Variants in AKT3 observed in about 807,000 individuals in gnomAD.
AKT3 encodes AKT serine/threonine kinase 3.
Under a neutral mutation model 65.3 loss-of-function variants are expected in AKT3, and 15 were observed. The observed-to-expected ratio is 0.23, with a 90% CI of 0.15 to 0.35. The LOEUF is 0.35. Ranked by LOEUF, AKT3 falls within the 10% of genes least tolerant of loss-of-function variation. The pLI, the probability that AKT3 is intolerant of heterozygous loss-of-function variation, is 1.00. For missense variants in AKT3, 243 were observed against 576.5 expected, an observed-to-expected ratio of 0.42 and a Z score of 5.92; for synonymous variants, 206 against 183.8, an observed-to-expected ratio of 1.12 and a Z score of -0.98.
At chr1:243,677,948 C>T (rs1228635984) in intron 3 of AKT3, among the ~76,000 whole-genome samples, 2 of 151,846 alleles carry the variant, frequency 1.3e-5, no homozygotes, top group African/African-American at 2.4e-5. Flanking sequence ...ATTAGCTGGG[C>T]GTGGTGGCGG....
At chr1:243,732,564 T>C (rs1687626669) in intron 2 of AKT3, among the ~76,000 whole-genome samples, 1 of 152,180 alleles carries the variant, frequency 6.6e-6, no homozygotes, top group African/African-American at 2.4e-5. Context: ...GGAAAAGAGT[T>C]TGTGTACTGA....
intron 2 of AKT3, among the ~76,000 whole-genome samples, chr1:243,800,688 A>C (rs1572371783): frequency 6.6e-6 from 1 of 152,074 alleles, no homozygotes; most frequent in Non-Finnish European, 1.5e-5. Context: ...ATTGCACTCC[A>C]GCCCAGCGAC....
chr1:243,738,547 A>C (rs1687969040), intron 2 of AKT3, among the ~76,000 whole-genome samples: 2 of 152,226 alleles, frequency 1.3e-5, no homozygotes, highest in African/African-American at 2.4e-5. Flanking sequence ...GCTTCATCTT[A>C]AAGAAAATGT....
chr1:243,784,681 G>A (rs1234696473), intron 2 of AKT3, among the ~76,000 whole-genome samples: 3 of 152,084 alleles, frequency 2.0e-5, no homozygotes, highest in Non-Finnish European at 2.9e-5. Flanking sequence ...TCTCCCTCAC[G>A]CTGGACACTG....
At chr1:243,746,590 A>G (rs1688482797) in intron 2 of AKT3, among the ~76,000 whole-genome samples, 1 of 152,212 alleles carries the variant, frequency 6.6e-6, no homozygotes, top group African/African-American at 2.4e-5. Context: ...CCAAGTTTGA[A>G]CTAAGTCACA....
At chr1:243,674,432 G>A (rs1490164185) in intron 3 of AKT3, among the ~76,000 whole-genome samples, 4 of 152,156 alleles carry the variant, frequency 2.6e-5, no homozygotes, top group Non-Finnish European at 4.4e-5. Flanking sequence ...ACAGACTCAC[G>A]AAGGAAACAA....
intron 2 of AKT3, among the ~76,000 whole-genome samples, chr1:243,744,396 T>C (rs993902120): frequency 6.6e-6 from 1 of 152,188 alleles, no homozygotes; most frequent in Non-Finnish European, 1.5e-5. Flanking sequence ...GCCGTATTCT[T>C]ATGATTCTTT....
At chr1:243,828,091 A>AC (rs1694279222) in intron 2 of AKT3, among the ~76,000 whole-genome samples, 1 of 151,828 alleles carries the variant, frequency 6.6e-6, no homozygotes. Context: ...AACAACAACA[A>AC]AACTTAAAAG....
At chr1:243,655,151 A>G (rs1434624323) in intron 4 of AKT3, among the ~76,000 whole-genome samples, 3 of 152,066 alleles carry the variant, frequency 2.0e-5, no homozygotes, top group African/African-American at 4.8e-5. Context: ...ATGTTTCACT[A>G]TAAACGTTCT....
chr1:243,844,911 T>C (rs959520618), intron 1 of AKT3, among the ~76,000 whole-genome samples: 1 of 152,060 alleles, frequency 6.6e-6, no homozygotes, highest in East Asian at 1.9e-4. Flanking sequence ...AGTAAATCCA[T>C]TTGCACAGAA....
chr1:243,685,966 C>G (rs1684262137), intron 3 of AKT3, among the ~76,000 whole-genome samples: 1 of 152,078 alleles, frequency 6.6e-6, no homozygotes, highest in Non-Finnish European at 1.5e-5. Flanking sequence ...CAATAACAGA[C>G]AAACAGAGAG....
At chr1:243,617,082 T>C (rs999986746) in intron 6 of AKT3, among the ~76,000 whole-genome samples, 10 of 152,176 alleles carry the variant, frequency 6.6e-5, no homozygotes, top group African/African-American at 2.2e-4. Flanking sequence ...TTGAACTGAA[T>C]TGTGTATCAT....
chr1:243,777,167 G>C (rs560595578), intron 2 of AKT3, among the ~76,000 whole-genome samples: 1 of 152,210 alleles, frequency 6.6e-6, no homozygotes, highest in East Asian at 1.9e-4. Flanking sequence ...GGGGCGGTGG[G>C]GAGTGAAGAT....
At position 243,572,966 on chromosome 1, in the gene AKT3, T is replaced by C; in HGVS notation, c.779A>G (p.Asp260Gly). The C allele has an allele frequency of 6.2e-7, 1 of 1,613,204 alleles. No individual in the cohort carries two copies. Among genetic ancestry groups the C allele is most frequent in the African/African-American group, 1.3e-5 (1 of 74,878 alleles). The change falls in exon 9 of 14, where the codon GAC becomes GGC. Residue 260 changes from aspartate to glycine, a missense_variant. Around this residue, in one of 6 missense-constraint regions of AKT3, gnomAD observed 61 missense variants for 163.3 expected, o/e 0.37. Transcript: ENST00000673466. ...CACAATCTTTCCGGAATGTAGATAG[T>C]CCAAGGCAGAGACAATTTCTGCACC... ...FYGAEIVSAL[D>G]YLHSGKIVYR...
intron 10 of AKT3, among the ~76,000 whole-genome samples, chr1:243,555,292 A>G (rs770064325): frequency 2.0e-5 from 3 of 152,196 alleles, no homozygotes; most frequent in Non-Finnish European, 4.4e-5. Flanking sequence ...ATTTTTGTCC[A>G]AATCCTATCT....
In AKT3 at chr1:243,500,395, C is replaced by T. The variant is rs1029596135; in HGVS notation, c.*4854G>A. ...AACAGACAAAAAAGCATCTTTGGCT[C>T]GGTGGTGTCAGATTTTTTTCTTCAA... is the stretch of plus-strand genomic sequence containing the variant. On this transcript the variant is annotated 3_prime_UTR_variant, in exon 14 of 14. Coordinates refer to ENST00000673466, the MANE Select transcript of AKT3 (RefSeq NM_005465.7). 9 of 224,828 alleles carry T rather than the reference C, an allele frequency of 4.0e-5. No individual in the cohort carries two copies. Among genetic ancestry groups the T allele is most frequent in the Non-Finnish European group, 5.3e-5 (6 of 113,110 alleles). 13.9% of individuals were successfully genotyped at this position (224,828 alleles called of 1,614,324 possible).
chr1:243,831,812 C>A (rs906800195), intron 2 of AKT3, among the ~76,000 whole-genome samples: 39 of 152,030 alleles, frequency 2.6e-4, no homozygotes, highest in South Asian at 1.0e-3. Flanking sequence ...GCCCCTCCCC[C>A]CCAACAAGAT....
chr1:243,556,416 A>G (rs576205063), intron 10 of AKT3, among the ~76,000 whole-genome samples: 1 of 152,230 alleles, frequency 6.6e-6, no homozygotes, highest in Non-Finnish European at 1.5e-5. Flanking sequence ...ACTATTCATT[A>G]CAATATTTGT....
intron 2 of AKT3, among the ~76,000 whole-genome samples, chr1:243,754,402 G>A (rs1688992990): frequency 6.6e-6 from 1 of 152,146 alleles, no homozygotes; most frequent in Non-Finnish European, 1.5e-5. Flanking sequence ...GTAGTGATGT[G>A]CTCCCCACCC....
Sources: allele counts gnomAD v4.1 joint callset (sites outside exome capture counted in the v4.1 genomes callset), GRCh38; gene constraint gnomAD v4.1.1; regional missense constraint gnomAD v4.1.1; transcripts MANE v1.5; gene names NCBI Gene and HGNC (gene_info 2026-07-23, HGNC 2026-07-21).